The following CCBE1 variants were observed in gnomAD, a reference collection of about 807,000 sequenced individuals.
The protein encoded by CCBE1 is collagen and calcium binding EGF domains 1.
A neutral mutation model predicts 50.0 loss-of-function variants in CCBE1; 37 were observed. The observed-to-expected ratio is 0.74, with a 90% CI of 0.57 to 0.97. The LOEUF (loss-of-function observed/expected upper bound fraction) is 0.97. CCBE1 is among the 50% of genes least tolerant of loss of function. The pLI is 0.00. For synonymous variants in CCBE1, 234 were observed against 203.7 expected (o/e 1.15, Z -1.27); for missense variants, 538 against 523.8 (o/e 1.03, Z -0.26).
chr18:59,436,251 G>T (rs1347720876), intron 10 of CCBE1, 110 bp from the exon 11 acceptor site: 19 of 936,964 alleles, frequency 2.0e-5, no homozygotes, highest in Non-Finnish European at 3.1e-5. Flanking sequence ...ATAACTCTGT[G>T]CCCCAAATGG....
intron 7 of CCBE1, among the ~76,000 whole-genome samples, chr18:59,446,128 G>T (rs541411702): frequency 1.3e-5 from 2 of 152,226 alleles, no homozygotes; most frequent in Non-Finnish European, 2.9e-5. Flanking sequence ...TTCAAAGGCC[G>T]GGTCTGTTGC....
At chr18:59,503,532 C>G (rs1265658771) in intron 2 of CCBE1, among the ~76,000 whole-genome samples, 2 of 152,200 alleles carry the variant, frequency 1.3e-5, no homozygotes, top group Non-Finnish European at 2.9e-5. Flanking sequence ...AGGACTGACA[C>G]TTGGAAATGT....
At chr18:59,525,564 T>C (rs78972038) in intron 2 of CCBE1, among the ~76,000 whole-genome samples, 54,926 of 152,066 alleles carry the variant, frequency 0.36, 10,157 homozygotes, top group Middle Eastern at 0.39. Context: ...TATTCACTCA[T>C]AGTTTTGCTG....
At chr18:59,572,227 C>G (rs1265367435) in intron 2 of CCBE1, among the ~76,000 whole-genome samples, 2 of 152,152 alleles carry the variant, frequency 1.3e-5, no homozygotes, top group African/African-American at 2.4e-5. Flanking sequence ...AAATCAATCC[C>G]TCAATCAGCT....
At chr18:59,658,808 C>A (rs1413567056) in intron 2 of CCBE1, among the ~76,000 whole-genome samples, 1 of 132,214 alleles carries the variant, frequency 7.6e-6, no homozygotes, top group East Asian at 2.4e-4. Context: ...TGAACCCGGG[C>A]AGTGGAGTTT....
In CCBE1 at chr18:59,431,255, GGTGT is replaced by G. The variant is rs1016219877; in HGVS notation, c.*4649_*4652del. ...TATATGCCTTAACAATTACAGTCATGGTGTGTTTTGTTTTCCAAATGGAAAATTA... is the reference window on the plus strand; with the variant it reads ...TATATGCCTTAACAATTACAGTCATGGTTTTGTTTTCCAAATGGAAAATTA... On this transcript the variant is annotated 3_prime_UTR_variant, in exon 11 of 11. Coordinates refer to ENST00000439986, the MANE Select transcript of CCBE1 (RefSeq NM_133459.4). The G allele has an allele frequency of 1.3e-5, 2 of 152,172 alleles. No individual in the cohort carries two copies. Among genetic ancestry groups the G allele is most frequent in the African/African-American group, 2.4e-5 (1 of 41,422 alleles). The allele number at this position is 152,172 out of a possible 1,614,324, so 9.4% of individuals were successfully genotyped here.
rs142304581 is a variant in CCBE1 at position 59,650,173 on chromosome 18, A to G, written c.212+46456T>C. Among the ~76,000 whole-genome samples, 240 of 152,118 alleles carry G rather than the reference A, an allele frequency of 1.6e-3. 2 individuals carry two copies. In the South Asian group the frequency reaches 0.027, roughly 17 times the overall value. ...AGAAGCTTCTGCTCACAGAACCATA[A>G]TTATTCTCAGAATCATAAGAGGGAA... On this transcript the variant is annotated intron_variant, in intron 2 of 10. Transcript: ENST00000439986.
intron 2 of CCBE1, among the ~76,000 whole-genome samples, chr18:59,583,152 G>C (rs745361621): frequency 3.1e-4 from 47 of 152,126 alleles, no homozygotes; most frequent in Non-Finnish European, 6.5e-4. Flanking sequence ...TTCTAACCCT[G>C]TGTTGGATTC....
At chr18:59,624,245 A>C (rs1227431153) in intron 2 of CCBE1, among the ~76,000 whole-genome samples, 3 of 152,174 alleles carry the variant, frequency 2.0e-5, no homozygotes, top group African/African-American at 7.2e-5. Context: ...TATTGGCTAG[A>C]CCTTCACAAT....
chr18:59,474,073 C>CT (rs1184371305), intron 3 of CCBE1, among the ~76,000 whole-genome samples: 2 of 152,168 alleles, frequency 1.3e-5, no homozygotes, highest in Admixed American at 6.5e-5. Flanking sequence ...TGATTTCATT[C>CT]TTTTTTATGA....
rs190956669 is a variant in CCBE1 at position 59,481,988 on chromosome 18, T to C, written c.213-1750A>G. On this transcript the variant is annotated intron_variant, in intron 2 of 10. Transcript: ENST00000439986. The stretch of plus-strand genomic sequence containing the variant: ...GTGGTTTGCTGCACCCATCAACCTG[T>C]CGTCCAGGTTTTAAGCCCTGCATGC... Among the ~76,000 whole-genome samples the C allele has an allele frequency of 9.8e-5, 15 of 152,312 alleles. No individual in the cohort carries two copies. The East Asian group carries it at 2.9e-3, about 29-fold the overall frequency.
chr18:59,492,588 T>A (rs661609), intron 2 of CCBE1, among the ~76,000 whole-genome samples: 33,830 of 152,124 alleles, frequency 0.22, 4,129 homozygotes, highest in Non-Finnish European at 0.27. Flanking sequence ...TGATGAGCCA[T>A]TTTGGACAAT....
At chr18:59,675,445 C>T (rs1173682634) in intron 2 of CCBE1, among the ~76,000 whole-genome samples, 1 of 152,188 alleles carries the variant, frequency 6.6e-6, no homozygotes, top group Non-Finnish European at 1.5e-5. Flanking sequence ...TCTCTCTCCC[C>T]CACACATGGG....
intron 2 of CCBE1, chr18:59,665,927 A>C (rs1380349472): frequency 2.0e-5 from 3 of 152,234 alleles, no homozygotes; most frequent in African/African-American, 4.8e-5. Context: ...TATCATGTAC[A>C]AAACACTGTT....
chr18:59,574,420 G>T (rs915717120), intron 2 of CCBE1, among the ~76,000 whole-genome samples: 4 of 152,184 alleles, frequency 2.6e-5, no homozygotes. Flanking sequence ...CCAATGGGGT[G>T]TATTAGAGAA....
intron 2 of CCBE1, chr18:59,665,928 A>C (rs1333543015): frequency 6.6e-6 from 1 of 152,208 alleles, no homozygotes; most frequent in African/African-American, 2.4e-5. Flanking sequence ...ATCATGTACA[A>C]AACACTGTTG....
intron 2 of CCBE1, among the ~76,000 whole-genome samples, chr18:59,570,654 GA>G (rs2052897631): frequency 6.6e-6 from 1 of 152,050 alleles, no homozygotes; most frequent in African/African-American, 2.4e-5. Context: ...AAATGAAAGG[GA>G]AGTCATCCTT....
At chr18:59,499,112 T>G (rs1199380834) in intron 2 of CCBE1, among the ~76,000 whole-genome samples, 8 of 152,236 alleles carry the variant, frequency 5.3e-5, no homozygotes, top group Non-Finnish European at 1.2e-4. Context: ...TGATAAAGGA[T>G]TCCTTCATTT....
intron 2 of CCBE1, among the ~76,000 whole-genome samples, chr18:59,601,060 C>A (rs2053425196): frequency 9.7e-6 from 1 of 102,804 alleles, no homozygotes; most frequent in African/African-American, 3.7e-5. Context: ...AAGACAGGGT[C>A]TCACTCTGTC....
Sources: allele counts gnomAD v4.1 joint callset (sites outside exome capture counted in the v4.1 genomes callset), GRCh38; gene constraint gnomAD v4.1.1; transcripts MANE v1.5; gene names NCBI Gene and HGNC (gene_info 2026-07-23, HGNC 2026-07-21).